The following DTNB variants were observed in gnomAD, a reference collection of about 807,000 sequenced individuals.
The protein encoded by DTNB is DTN-B.
In DTNB, 63 loss-of-function variants were observed where a neutral mutation model predicts 90.7. The ratio of observed to expected loss-of-function variants is 0.69; its 90% CI spans 0.57 to 0.86. DTNB has a LOEUF of 0.86. DTNB is among the 40% of genes least tolerant of loss of function. The pLI, the probability that DTNB is intolerant of heterozygous loss-of-function variation, is 0.00. For synonymous variants in DTNB, 277 were observed against 286.7 expected, an observed-to-expected ratio of 0.97 and a Z score of 0.34; for missense variants, 744 against 807.1, an observed-to-expected ratio of 0.92 and a Z score of 0.95.
chr2:25,472,757 G>A (rs1457450834), intron 10 of DTNB, among the ~76,000 whole-genome samples: 3 of 152,142 alleles, frequency 2.0e-5, no homozygotes, highest in Admixed American at 6.5e-5. Context: ...GGTGGCACAC[G>A]CCTGTAGTCA....
chr2:25,613,174 C>T (rs2069118327), intron 4 of DTNB, among the ~76,000 whole-genome samples: 1 of 152,060 alleles, frequency 6.6e-6, no homozygotes, highest in South Asian at 2.1e-4. Flanking sequence ...GTCTCGAACT[C>T]CTAAACTCAA....
At chr2:25,451,518 C>T (rs752934419) in intron 12 of DTNB, 30 bp downstream of exon 12, 1 of 1,578,252 alleles carries the variant, frequency 6.3e-7, no homozygotes, top group African/African-American at 1.3e-5. Context: ...CTAATTTCTG[C>T]TACTCTCCTG....
chr2:25,378,146 G>A (rs72812107), intron 20 of DTNB, among the ~76,000 whole-genome samples: 6,758 of 152,268 alleles, frequency 0.044, 204 homozygotes, highest in African/African-American at 0.089. Context: ...CTTCTGCCCC[G>A]GGGAGAGAGG....
At chr2:25,642,215 A>ATG (rs2078491932) in intron 2 of DTNB, among the ~76,000 whole-genome samples, 1 of 152,054 alleles carries the variant, frequency 6.6e-6, no homozygotes, top group Non-Finnish European at 1.5e-5. Flanking sequence ...GTATATGTGT[A>ATG]TGTGTGTGTG....
At chr2:25,406,045 G>A (rs1573942417) in intron 16 of DTNB, among the ~76,000 whole-genome samples, 1 of 152,314 alleles carries the variant, frequency 6.6e-6, no homozygotes, top group East Asian at 1.9e-4. Flanking sequence ...GCAGGAGGCT[G>A]GCGATGGCTG....
At chr2:25,469,854 T>C (rs1050062989) in intron 10 of DTNB, among the ~76,000 whole-genome samples, 10 of 152,042 alleles carry the variant, frequency 6.6e-5, no homozygotes, top group African/African-American at 2.4e-4. Flanking sequence ...CTACCTGCAG[T>C]GTAAAAAGCA....
intron 9 of DTNB, among the ~76,000 whole-genome samples, chr2:25,491,137 G>GCACACACA (rs368677624): frequency 2.4e-4 from 33 of 140,034 alleles, no homozygotes; most frequent in African/African-American, 6.4e-4. Context: ...TGTTATATGA[G>GCACACACA]CACACACACA....
At chr2:25,620,035 G>C (rs2072051213) in intron 4 of DTNB, among the ~76,000 whole-genome samples, 1 of 151,798 alleles carries the variant, frequency 6.6e-6, no homozygotes, top group African/African-American at 2.4e-5. Context: ...GTGAGACTCT[G>C]TCTCAAAAAA....
At chr2:25,469,247 G>C (rs931438235) in intron 10 of DTNB, among the ~76,000 whole-genome samples, 1 of 152,134 alleles carries the variant, frequency 6.6e-6, no homozygotes, top group African/African-American at 2.4e-5. Context: ...AAACAGGGTT[G>C]GCTAGGTGAA....
chr2:25,634,472 G>T (rs1210746809), intron 3 of DTNB, among the ~76,000 whole-genome samples: 5 of 149,990 alleles, frequency 3.3e-5, no homozygotes, highest in African/African-American at 1.2e-4. Context: ...GCCCCGTCGG[G>T]GAGGTGAGGG....
chr2:25,526,770 A>G (rs2077271275), intron 9 of DTNB, among the ~76,000 whole-genome samples: 1 of 152,158 alleles, frequency 6.6e-6, no homozygotes. Flanking sequence ...ATACACGACG[A>G]GCACATTAGA....
At chr2:25,494,265 G>T (rs2068261421) in intron 9 of DTNB, among the ~76,000 whole-genome samples, 1 of 152,140 alleles carries the variant, frequency 6.6e-6, no homozygotes, top group African/African-American at 2.4e-5. Context: ...ATCAGTATTG[G>T]ACACTACTTG....
At chr2:25,673,116 T>C (rs949149342) in intron 1 of DTNB, among the ~76,000 whole-genome samples, 2 of 151,146 alleles carry the variant, frequency 1.3e-5, no homozygotes, top group Non-Finnish European at 3.0e-5. Flanking sequence ...CCCCGGCGCG[T>C]TCCGGACCCC....
chr2:25,652,969 G>A (rs1164401732), intron 1 of DTNB: 5 of 223,334 alleles, frequency 2.2e-5, no homozygotes, highest in Non-Finnish European at 4.3e-5. Context: ...GATTAGTTGA[G>A]GTAACTTCCC....
At chr2:25,534,279 T>C (rs1009882316) in intron 8 of DTNB, among the ~76,000 whole-genome samples, 2 of 152,186 alleles carry the variant, frequency 1.3e-5, no homozygotes, top group Non-Finnish European at 2.9e-5. Flanking sequence ...CATTTAACCC[T>C]GAGTGGACAC....
At chr2:25,454,238 T>G (rs748219774) in intron 11 of DTNB, among the ~76,000 whole-genome samples, 1 of 152,054 alleles carries the variant, frequency 6.6e-6, no homozygotes, top group Non-Finnish European at 1.5e-5. Context: ...TTTAGTCATA[T>G]CAGGAAAACT....
chr2:25,427,164 C>T (rs981458476), intron 15 of DTNB, among the ~76,000 whole-genome samples: 20 of 128,244 alleles, frequency 1.6e-4, no homozygotes, highest in Admixed American at 3.3e-4. Flanking sequence ...GGTGACACAG[C>T]GAGACTCCAT....
intron 16 of DTNB, among the ~76,000 whole-genome samples, chr2:25,407,489 C>G (rs1212126020): frequency 6.6e-6 from 1 of 152,146 alleles, no homozygotes; most frequent in Non-Finnish European, 1.5e-5. Context: ...TACTGCAGCC[C>G]AGTTCACAAC....
At chr2:25,416,708 T>C (rs1271478500) in intron 16 of DTNB, among the ~76,000 whole-genome samples, 1 of 151,960 alleles carries the variant, frequency 6.6e-6, no homozygotes, top group Non-Finnish European at 1.5e-5. Flanking sequence ...GCTAACAAGT[T>C]ATACAATTAT....
Sources: allele counts gnomAD v4.1 joint callset (sites outside exome capture counted in the v4.1 genomes callset), GRCh38; gene constraint gnomAD v4.1.1; transcripts MANE v1.5; gene names NCBI Gene and HGNC (gene_info 2026-07-23, HGNC 2026-07-21).